Variants in RIMOC1 observed in about 807,000 individuals in gnomAD.
RIMOC1 encodes RAB7A-interacting MON1-CCZ1 complex subunit 1.
At chr5:41,917,640 T>C in the RIMOC1 span, 1 of 983,784 alleles carries the variant, frequency 1.0e-6, no homozygotes, top group Non-Finnish European at 1.2e-6. Flanking sequence ...AAGTTTACCA[T>C]TTTTATCATC....
chr5:41,912,704 G>C, the RIMOC1 span, among the ~76,000 whole-genome samples: 1 of 152,164 alleles, frequency 6.6e-6, no homozygotes, highest in Non-Finnish European at 1.5e-5. Flanking sequence ...AACAGAATGA[G>C]GGAAACCACC....
chr5:41,909,802 T>C, the RIMOC1 span: 2 of 1,594,780 alleles, frequency 1.3e-6, no homozygotes, highest in Non-Finnish European at 1.7e-6. Flanking sequence ...AAGATTTTCC[T>C]GAAGACTCTT....
At chr5:41,920,474 T>C in the RIMOC1 span, 2 of 152,154 alleles carry the variant, frequency 1.3e-5, no homozygotes, top group African/African-American at 4.8e-5. Flanking sequence ...CCTGAGGATA[T>C]AGCTTTTTAA....
chr5:41,910,557 G>C, the RIMOC1 span, among the ~76,000 whole-genome samples: 1 of 151,772 alleles, frequency 6.6e-6, no homozygotes, highest in Non-Finnish European at 1.5e-5. Context: ...TGTTTACTTA[G>C]ATATATTTTT....
At chr5:41,905,475 A>G in the RIMOC1 span, among the ~76,000 whole-genome samples, 6 of 152,206 alleles carry the variant, frequency 3.9e-5, no homozygotes, top group African/African-American at 1.4e-4. Context: ...TCACCATGTC[A>G]TCCAGGTTGG....
chr5:41,918,417 A>G, the RIMOC1 span: 9,046 of 985,386 alleles, frequency 9.2e-3, 45 homozygotes, highest in Middle Eastern at 0.017. Context: ...TTCCTCCTAA[A>G]CTGTCAGCCC....
At chr5:41,909,911 T>C in the RIMOC1 span, 4 of 1,545,550 alleles carry the variant, frequency 2.6e-6, no homozygotes, top group African/African-American at 5.6e-5. Context: ...TACATTCCTG[T>C]TAATTATGAT....
the RIMOC1 span, chr5:41,904,522 C>T: frequency 9.2e-6 from 14 of 1,514,756 alleles, no homozygotes; most frequent in Admixed American, 1.8e-5. Context: ...AAGGTACTGG[C>T]GCTCGATGGC....
the RIMOC1 span, chr5:41,904,594 A>C: frequency 4.9e-6 from 4 of 819,826 alleles, no homozygotes; most frequent in Non-Finnish European, 7.8e-6. Flanking sequence ...TGGTTACCCG[A>C]GGTCTGTCGC....
At chr5:41,918,476 T>A in the RIMOC1 span, 3 of 985,304 alleles carry the variant, frequency 3.0e-6, no homozygotes, top group African/African-American at 5.2e-5. Flanking sequence ...GGATACTATA[T>A]GAACTAATCT....
the RIMOC1 span, among the ~76,000 whole-genome samples, chr5:41,905,349 T>G: frequency 6.6e-6 from 1 of 152,374 alleles, no homozygotes. Flanking sequence ...TGTTTTGTTT[T>G]GTTTTTAGAG....
chr5:41,905,090 A>G, the RIMOC1 span, among the ~76,000 whole-genome samples: 7 of 152,184 alleles, frequency 4.6e-5, no homozygotes, highest in Non-Finnish European at 8.8e-5. Context: ...TTTAAGTCCA[A>G]TTCTTTTCAT....
the RIMOC1 span, among the ~76,000 whole-genome samples, chr5:41,915,087 A>T: frequency 6.6e-6 from 1 of 152,270 alleles, no homozygotes; most frequent in South Asian, 2.1e-4. Flanking sequence ...TTGTTTAGAC[A>T]TTATCTGTAT....
At chr5:41,908,646 T>C in the RIMOC1 span, among the ~76,000 whole-genome samples, 1 of 152,134 alleles carries the variant, frequency 6.6e-6, no homozygotes, top group Non-Finnish European at 1.5e-5. Flanking sequence ...CACAGAGAAC[T>C]GTTTTAAGTT....
chr5:41,917,025 G>A, the RIMOC1 span: 3 of 1,586,076 alleles, frequency 1.9e-6, no homozygotes, highest in Non-Finnish European at 1.7e-6. Flanking sequence ...GGAATATTTA[G>A]TGACATTCAT....
At chr5:41,914,910 A>G in the RIMOC1 span, among the ~76,000 whole-genome samples, 3 of 152,198 alleles carry the variant, frequency 2.0e-5, no homozygotes, top group African/African-American at 7.2e-5. Context: ...TTGTTAGTCC[A>G]TATAAAATAC....
At chr5:41,908,866 T>C in the RIMOC1 span, among the ~76,000 whole-genome samples, 1 of 152,162 alleles carries the variant, frequency 6.6e-6, no homozygotes, top group Non-Finnish European at 1.5e-5. Context: ...TTTCATATGA[T>C]GATGAAATCA....
chr5:41,919,867 A>G, the RIMOC1 span: 2 of 151,832 alleles, frequency 1.3e-5, no homozygotes, highest in Non-Finnish European at 2.9e-5. Flanking sequence ...CTTTGTAATT[A>G]TTTTCTTTAT....
At chr5:41,909,387 C>G in the RIMOC1 span, among the ~76,000 whole-genome samples, 1 of 152,064 alleles carries the variant, frequency 6.6e-6, no homozygotes, top group African/African-American at 2.4e-5. Context: ...TAACTTGATA[C>G]AGCAGGCATT....
Sources: gnomAD v4.1 joint callset for allele counts (sites outside exome capture counted in the v4.1 genomes callset) on GRCh38, gnomAD v4.1.1 for gene constraint, MANE v1.5 for transcripts, NCBI Gene and HGNC (gene_info 2026-07-23, HGNC 2026-07-21) for gene names.